ATXN8OS: variants seen among roughly 807,000 people sequenced by gnomAD.
The protein encoded by ATXN8OS is ATXN8 opposite strand (non-protein coding).
intron 1 of ATXN8OS, among the ~76,000 whole-genome samples, chr13:70,111,215 T>C (rs992241614): frequency 2.6e-5 from 4 of 152,254 alleles, no homozygotes; most frequent in South Asian, 4.1e-4. Context: ...TGAAAGTTTC[T>C]ACAACTCAAA....
chr13:70,160,182 A>AGTCT (rs1235951420), intron 4 of ATXN8OS, among the ~76,000 whole-genome samples: 1 of 149,912 alleles, frequency 6.7e-6, no homozygotes, highest in African/African-American at 2.4e-5. Context: ...GTGAGCACTC[A>AGTCT]GTCTGTTGAC....
chr13:70,164,326 A>T (rs1593779097), intron 4 of ATXN8OS, among the ~76,000 whole-genome samples: 1 of 151,554 alleles, frequency 6.6e-6, no homozygotes, highest in African/African-American at 2.4e-5. Context: ...CCCTCTTTAC[A>T]TCTTCCTTCT....
chr13:70,151,430 C>G (rs905576248), intron 4 of ATXN8OS, among the ~76,000 whole-genome samples: 1 of 151,946 alleles, frequency 6.6e-6, no homozygotes, highest in Non-Finnish European at 1.5e-5. Context: ...CATAATATCC[C>G]CCAGGTTCAT....
intron 2 of ATXN8OS, among the ~76,000 whole-genome samples, chr13:70,125,359 T>A (rs1888417887): frequency 6.6e-6 from 1 of 152,236 alleles, no homozygotes; most frequent in East Asian, 1.9e-4. Flanking sequence ...AGGTACGTCA[T>A]TTTAGATACA....
intron 2 of ATXN8OS, chr13:70,115,387 C>A: frequency 2.5e-6 from 1 of 396,706 alleles, no homozygotes; most frequent in Non-Finnish European, 4.4e-6. Flanking sequence ...CTTCCCAACA[C>A]TGTGGCATTA....
At chr13:70,114,907 T>TA (rs368830823) in intron 1 of ATXN8OS, among the ~76,000 whole-genome samples, 8 of 151,790 alleles carry the variant, frequency 5.3e-5, no homozygotes, top group Admixed American at 3.3e-4. Flanking sequence ...GTATGAGAAC[T>TA]AAAAAAAATG....
chr13:70,134,777 A>C (rs143235265), intron 3 of ATXN8OS, among the ~76,000 whole-genome samples: 1 of 152,318 alleles, frequency 6.6e-6, no homozygotes, highest in East Asian at 1.9e-4. Flanking sequence ...ACTGGCTTAC[A>C]TGTACCAGAA....
intron 2 of ATXN8OS, among the ~76,000 whole-genome samples, chr13:70,121,976 TTAATC>T (rs945136517): frequency 3.3e-5 from 5 of 152,072 alleles, no homozygotes; most frequent in African/African-American, 9.7e-5. Context: ...TTTTAGATTA[TTAATC>T]TAAAGATTTA....
At chr13:70,112,206 C>T (rs1888206315) in intron 1 of ATXN8OS, among the ~76,000 whole-genome samples, 1 of 152,012 alleles carries the variant, frequency 6.6e-6, no homozygotes, top group Non-Finnish European at 1.5e-5. Flanking sequence ...AGATGGACGC[C>T]CACCCTTATG....
intron 2 of ATXN8OS, among the ~76,000 whole-genome samples, chr13:70,128,260 G>A (rs1283667280): frequency 6.6e-6 from 1 of 151,994 alleles, no homozygotes; most frequent in African/African-American, 2.4e-5. Context: ...AGTGAAAATG[G>A]GCATCTAGAA....
chr13:70,152,534 T>C (rs1486568308), intron 4 of ATXN8OS, among the ~76,000 whole-genome samples: 1 of 151,972 alleles, frequency 6.6e-6, no homozygotes, highest in Non-Finnish European at 1.5e-5. Flanking sequence ...GTTATTTGGG[T>C]CTCCCTTTGC....
At chr13:70,136,457 T>A (rs1440378278) in intron 3 of ATXN8OS, among the ~76,000 whole-genome samples, 1 of 151,566 alleles carries the variant, frequency 6.6e-6, no homozygotes, top group African/African-American at 2.4e-5. Flanking sequence ...ATATTTATAA[T>A]AAAATTTGTA....
At chr13:70,144,608 A>G (rs1413274861) in intron 3 of ATXN8OS, among the ~76,000 whole-genome samples, 2 of 152,184 alleles carry the variant, frequency 1.3e-5, no homozygotes, top group East Asian at 1.9e-4. Context: ...GTCCTTTAAT[A>G]TATCTTTCCC....
At chr13:70,129,035 T>C (rs1312468258) in intron 2 of ATXN8OS, among the ~76,000 whole-genome samples, 1 of 152,016 alleles carries the variant, frequency 6.6e-6, no homozygotes, top group African/African-American at 2.4e-5. Flanking sequence ...TAATTTTTTG[T>C]ATTTAGTAGA....
At chr13:70,119,915 C>CAAA (rs5804477) in intron 2 of ATXN8OS, among the ~76,000 whole-genome samples, 9 of 150,868 alleles carry the variant, frequency 6.0e-5, no homozygotes, top group African/African-American at 1.9e-4. Context: ...AAATATTTCA[C>CAAA]AAAAAAAAAT....
At chr13:70,131,708 T>C (rs546659585) in intron 3 of ATXN8OS, among the ~76,000 whole-genome samples, 15 of 152,262 alleles carry the variant, frequency 9.9e-5, no homozygotes, top group African/African-American at 3.4e-4. Flanking sequence ...CTGTATACTT[T>C]CATACCTCCC....
intron 4 of ATXN8OS, among the ~76,000 whole-genome samples, chr13:70,149,127 TATTA>T (rs1888828004): frequency 6.6e-6 from 1 of 152,150 alleles, no homozygotes; most frequent in South Asian, 2.1e-4. Context: ...AATAATTTAA[TATTA>T]ATTGTTTTGC....
At chr13:70,114,273 T>C (rs1427947203) in intron 1 of ATXN8OS, among the ~76,000 whole-genome samples, 1 of 152,114 alleles carries the variant, frequency 6.6e-6, no homozygotes, top group Non-Finnish European at 1.5e-5. Context: ...TTGAAGACTG[T>C]CTCCTGCAAA....
chr13:70,163,912 A>G (rs2137506324), intron 4 of ATXN8OS, among the ~76,000 whole-genome samples: 1 of 151,378 alleles, frequency 6.6e-6, no homozygotes, highest in Non-Finnish European at 1.5e-5. Context: ...TTTGCCTGAT[A>G]GAATAAATAT....
Sources: allele counts gnomAD v4.1 joint callset (sites outside exome capture counted in the v4.1 genomes callset), GRCh38; gene constraint gnomAD v4.1.1; transcripts MANE v1.5; gene names NCBI Gene and HGNC (gene_info 2026-07-23, HGNC 2026-07-21).